Variants in SMIM8 observed in about 807,000 individuals in gnomAD.
SMIM8 encodes small integral membrane protein 8, also known as UPF0708 protein C6orf162.
In SMIM8, 8 loss-of-function variants were observed where a neutral mutation model predicts 8.1. The observed-to-expected ratio is 0.99, with a 90% CI of 0.58 to 1.78. The LOEUF is 1.78. Among genes scored for constraint, SMIM8 ranks in the 40% most tolerant of loss-of-function variants. The pLI is 0.00. For synonymous variants in SMIM8, 45 were observed against 39.7 expected, an observed-to-expected ratio of 1.13 and a Z score of -0.50; for missense variants, 126 against 119.8, an observed-to-expected ratio of 1.05 and a Z score of -0.24.
intron 1 of SMIM8, chr6:87,329,163 A>C (rs1255140648): frequency 6.4e-6 from 1 of 156,172 alleles, no homozygotes; most frequent in Non-Finnish European, 1.4e-5. Flanking sequence ...GGCACTCCCT[A>C]GTGAGATGAA....
intron 1 of SMIM8, among the ~76,000 whole-genome samples, chr6:87,329,486 G>A (rs1333439002): frequency 1.3e-5 from 2 of 152,118 alleles, no homozygotes; most frequent in African/African-American, 2.4e-5. Context: ...TATTGGCTAC[G>A]CTAGTTTCAA....
At position 87,342,049 on chromosome 6, in the gene SMIM8, G is replaced by A. The variant is rs1777247033; in HGVS notation, c.*1775G>A. On this transcript the variant is annotated 3_prime_UTR_variant, in exon 4 of 4. Coordinates refer to ENST00000392863, the MANE Select transcript of SMIM8 (RefSeq NM_001042493.3). The stretch of plus-strand genomic sequence containing the variant: ...CAGGAGGGCAACAGAAACTGTACAA[G>A]GTGCAGACTTGAGTCATGTAAGATC... The A allele has an allele frequency of 6.6e-6, 1 of 152,220 alleles. No homozygotes were observed. Among genetic ancestry groups the A allele is most frequent in the Admixed American group, 6.5e-5 (1 of 15,284 alleles). The allele number at this position is 152,220 out of a possible 1,614,324, so 9.4% of individuals were successfully genotyped here.
In SMIM8 at chr6:87,341,087, A is replaced by G. The variant is rs867375550; in HGVS notation, c.*813A>G. The stretch of plus-strand genomic sequence containing the variant: ...TTAATGTTACTGTAATGTTATAAAC[A>G]TAAGACCAAGTGTTCTTATAGTTAT... On this transcript the variant is annotated 3_prime_UTR_variant, in exon 4 of 4. Coordinates refer to ENST00000392863, the MANE Select transcript of SMIM8 (RefSeq NM_001042493.3). The G allele has an allele frequency of 7.7e-6, 3 of 391,196 alleles. No homozygotes were observed. The highest frequency in any genetic ancestry group is 7.3e-5 in the East Asian group (2 of 27,378). 24.2% of individuals were successfully genotyped at this position (391,196 alleles called of 1,614,324 possible).
chr6:87,339,775 C>T (rs1777181756), intron 3 of SMIM8, among the ~76,000 whole-genome samples: 1 of 152,166 alleles, frequency 6.6e-6, no homozygotes, highest in African/African-American at 2.4e-5. Context: ...AGCTCCTCCA[C>T]TTCACCCAGA....
In SMIM8 at chr6:87,341,250, C is replaced by A; in HGVS notation, c.*976C>A. On this transcript the variant is annotated 3_prime_UTR_variant, in exon 4 of 4. Coordinates refer to ENST00000392863, the MANE Select transcript of SMIM8 (RefSeq NM_001042493.3). ...GAATGTTTCTTATTCTCTGAAGCATCAGCATTTTGAAGTGTCTTTTATGGA... is the reference window on the plus strand; with the variant it reads ...GAATGTTTCTTATTCTCTGAAGCATAAGCATTTTGAAGTGTCTTTTATGGA... 1 of 398,272 alleles carries A rather than the reference C, an allele frequency of 2.5e-6. No homozygotes were observed. Among genetic ancestry groups the A allele is most frequent in the Non-Finnish European group, 4.4e-6 (1 of 225,970 alleles). The allele number at this position is 398,272 out of a possible 1,614,324, so 24.7% of individuals were successfully genotyped here. A position where few individuals can be genotyped will look rare whatever the true frequency, so the allele number is the denominator to read the frequency against.
At chr6:87,329,599 A>G (rs1776943114) in intron 1 of SMIM8, among the ~76,000 whole-genome samples, 1 of 152,216 alleles carries the variant, frequency 6.6e-6, no homozygotes, top group African/African-American at 2.4e-5. Context: ...CAGGAAAGAT[A>G]CTTTTTTAGA....
chr6:87,338,066 TTAAA>T (rs1328900537), intron 3 of SMIM8, among the ~76,000 whole-genome samples: 1 of 152,234 alleles, frequency 6.6e-6, no homozygotes, highest in African/African-American at 2.4e-5. Context: ...ACTTTTAAAG[TTAAA>T]TAGATCAACT....
At chr6:87,326,517 G>A (rs1010347710) in intron 1 of SMIM8, among the ~76,000 whole-genome samples, 11 of 151,564 alleles carry the variant, frequency 7.3e-5, no homozygotes, top group African/African-American at 1.5e-4. Context: ...CCTTCAGTTC[G>A]TTATGTACCC....
chr6:87,340,127 A>G lies in SMIM8; in HGVS notation c.147A>G (p.Val49=). The G allele has an allele frequency of 6.3e-7, 1 of 1,578,592 alleles. No individual in the cohort carries two copies. The part of the protein sequence containing the change: ...PELFIKPNKP[V]MAFGLVTLSL... ...TTTTTCTTTGACAGAACAAACCTGT[A>G]ATGGCTTTCGGATTGGTAACTCTTT... Residue 49 remains valine, a synonymous_variant, in exon 4 of 4, where the codon GTA becomes GTG. Transcript: ENST00000392863.
intron 3 of SMIM8, among the ~76,000 whole-genome samples, chr6:87,337,502 C>T (rs999183793): frequency 6.6e-6 from 1 of 152,166 alleles, no homozygotes; most frequent in Non-Finnish European, 1.5e-5. Flanking sequence ...GTAAATAAGA[C>T]CTTCCATTTA....
At chr6:87,324,653 T>TCA (rs1776770332) in intron 1 of SMIM8, among the ~76,000 whole-genome samples, 1 of 57,088 alleles carries the variant, frequency 1.8e-5, no homozygotes, top group Non-Finnish European at 5.5e-5. Flanking sequence ...ACCAGTACCA[T>TCA]GCTGTTTTGG....
At chr6:87,334,855 A>G (rs1433136962) in intron 2 of SMIM8, among the ~76,000 whole-genome samples, 1 of 152,226 alleles carries the variant, frequency 6.6e-6, no homozygotes, top group Admixed American at 6.5e-5. Flanking sequence ...ATAAAGATTG[A>G]CAAGGGAATG....
chr6:87,326,003 A>G (rs1328401242), intron 1 of SMIM8, among the ~76,000 whole-genome samples: 3 of 152,138 alleles, frequency 2.0e-5, no homozygotes, highest in Admixed American at 1.3e-4. Flanking sequence ...GGGAGAGTGT[A>G]TGTGTCGAGG....
intron 2 of SMIM8, among the ~76,000 whole-genome samples, chr6:87,332,928 A>G (rs1384842759): frequency 1.3e-5 from 2 of 152,208 alleles, no homozygotes; most frequent in African/African-American, 4.8e-5. Context: ...GACAGACTAT[A>G]ATACTGCTTC....
chr6:87,333,114 GT>G (rs1777027931), intron 2 of SMIM8, among the ~76,000 whole-genome samples: 1 of 152,200 alleles, frequency 6.6e-6, no homozygotes, highest in Admixed American at 6.5e-5. Flanking sequence ...AGGGGCTCAG[GT>G]TGCCTCCACT....
intron 2 of SMIM8, among the ~76,000 whole-genome samples, chr6:87,335,845 C>CAA (rs35840147): frequency 0.029 from 1,608 of 55,928 alleles, 35 homozygotes; most frequent in African/African-American, 0.049. Context: ...CCGTCCCTAC[C>CAA]AAAAAAAAAA....
chr6:87,333,940 G>A (rs969911815), intron 2 of SMIM8, among the ~76,000 whole-genome samples: 2 of 152,202 alleles, frequency 1.3e-5, no homozygotes, highest in Non-Finnish European at 2.9e-5. Flanking sequence ...AGGCTGTACA[G>A]GAAGCATGGT....
chr6:87,337,678 T>C (rs1777142522), intron 3 of SMIM8, among the ~76,000 whole-genome samples: 1 of 152,214 alleles, frequency 6.6e-6, no homozygotes, highest in Non-Finnish European at 1.5e-5. Flanking sequence ...ACCTAGGCTG[T>C]AGTGCAGTGG....
At chr6:87,335,643 C>CTAT (rs1477992583) in intron 2 of SMIM8, among the ~76,000 whole-genome samples, 2 of 152,008 alleles carry the variant, frequency 1.3e-5, no homozygotes, top group Non-Finnish European at 2.9e-5. Flanking sequence ...TTCTCCTTAA[C>CTAT]TACGAAGTTG....
Sources: gnomAD v4.1 joint callset for allele counts (sites outside exome capture counted in the v4.1 genomes callset) on GRCh38, gnomAD v4.1.1 for gene constraint, MANE v1.5 for transcripts, NCBI Gene and HGNC (gene_info 2026-07-23, HGNC 2026-07-21) for gene names.